PGLYRP4: variants seen among roughly 807,000 people sequenced by gnomAD.
PGLYRP4 encodes the protein peptidoglycan recognition protein 4, also known as PGRP-I-beta.
Under a neutral mutation model 41.2 loss-of-function variants are expected in PGLYRP4, and 39 were observed. The ratio of observed to expected loss-of-function variants is 0.95; its 90% CI spans 0.73 to 1.24. PGLYRP4 has a LOEUF of 1.24. Ranked by LOEUF, PGLYRP4 falls within the 50% of genes most tolerant of loss-of-function variation. PGLYRP4 has a pLI of 0.00. For synonymous variants in PGLYRP4, 202 were observed against 186.8 expected (o/e 1.08, Z -0.66); for missense variants, 467 against 460.7 (o/e 1.01, Z -0.13).
At chr1:153,346,043 G>T in intron 3 of PGLYRP4, 59 bp downstream of exon 3, 1 of 1,262,462 alleles carries the variant, frequency 7.9e-7, no homozygotes, top group Non-Finnish European at 1.2e-6. Context: ...AAACATTTCC[G>T]ATCACATGAA....
intron 7 of PGLYRP4, among the ~76,000 whole-genome samples, chr1:153,338,666 A>C (rs1025219879): frequency 1.2e-4 from 18 of 152,182 alleles, no homozygotes; most frequent in African/African-American, 3.1e-4. Flanking sequence ...CGCCTCTCTC[A>C]GGCTGGAATT....
At chr1:153,334,320 A>G (rs1441196030) in intron 8 of PGLYRP4, among the ~76,000 whole-genome samples, 2 of 151,476 alleles carry the variant, frequency 1.3e-5, no homozygotes, top group East Asian at 3.9e-4. Flanking sequence ...AGATAGATAT[A>G]GATAGATAAA....
chr1:153,342,354 T>C (rs969183198), intron 5 of PGLYRP4, among the ~76,000 whole-genome samples: 1 of 152,222 alleles, frequency 6.6e-6, no homozygotes, highest in Non-Finnish European at 1.5e-5. Flanking sequence ...ATGGACCATG[T>C]TCTGATTCCT....
intron 7 of PGLYRP4, among the ~76,000 whole-genome samples, chr1:153,337,854 C>T (rs1660633016): frequency 6.6e-6 from 1 of 152,178 alleles, no homozygotes; most frequent in Non-Finnish European, 1.5e-5. Flanking sequence ...GTACATTTGA[C>T]TCTGCCACAC....
intron 4 of PGLYRP4, among the ~76,000 whole-genome samples, 172 bp from the exon 5 acceptor site, chr1:153,343,380 T>C (rs919431804): frequency 6.6e-6 from 1 of 152,212 alleles, no homozygotes; most frequent in African/African-American, 2.4e-5. Context: ...TACTAGTCCT[T>C]AGAATTCAGA....
chr1:153,348,173 A>C (rs1176013424), intron 1 of PGLYRP4, among the ~76,000 whole-genome samples, 195 bp from the exon 2 acceptor site: 1 of 152,086 alleles, frequency 6.6e-6, no homozygotes, highest in African/African-American at 2.4e-5. Context: ...TACCCGAGGA[A>C]CTCAATTTCA....
At chr1:153,333,271 G>C (rs1430352834) in intron 8 of PGLYRP4, among the ~76,000 whole-genome samples, 1 of 152,032 alleles carries the variant, frequency 6.6e-6, no homozygotes, top group Non-Finnish European at 1.5e-5. Context: ...ACAAAAGATT[G>C]TCAGAGATTA....
chr1:153,337,304 A>G lies in PGLYRP4; in HGVS notation c.825-5T>C, dbSNP rs764130127. The G allele has an allele frequency of 5.1e-6, 8 of 1,557,590 alleles. No homozygotes were observed. The East Asian group carries it at 1.6e-4, about 31-fold the overall frequency. On this transcript the variant is annotated splice_region_variant and splice_polypyrimidine_tract_variant and intron_variant, in intron 7 of 8. Coordinates refer to ENST00000359650, the MANE Select transcript of PGLYRP4 (RefSeq NM_020393.4). ...CCATCCTGGCCCACCAGGAAGCTAG[A>G]GGACCACAAGGGGAGATGGAGACCA... is the stretch of plus-strand genomic sequence containing the variant.
Position 153,337,432 on chromosome 1 carries a change from A to G in PGLYRP4, c.825-133T>C, listed in dbSNP as rs1021420391. The G allele has an allele frequency of 4.8e-6, 3 of 623,508 alleles. No individual in the cohort carries two copies. The Admixed American group carries it at 9.2e-5, about 19-fold the overall frequency. 38.6% of individuals were successfully genotyped at this position (623,508 alleles called of 1,614,324 possible). A position where few individuals can be genotyped will look rare whatever the true frequency, so the allele number is the denominator to read the frequency against. On this transcript the variant is annotated intron_variant, in intron 7 of 8. Coordinates refer to ENST00000359650, the MANE Select transcript of PGLYRP4 (RefSeq NM_020393.4). ...TATTGGATTCTAAGCACTGGGTTACAGAAACAAGACAGAGTCCTTGCCAAT... is the reference window on the plus strand; with the variant it reads ...TATTGGATTCTAAGCACTGGGTTACGGAAACAAGACAGAGTCCTTGCCAAT...
chr1:153,336,959 G>A (rs2101559641), intron 8 of PGLYRP4, among the ~76,000 whole-genome samples: 1 of 152,310 alleles, frequency 6.6e-6, no homozygotes, highest in East Asian at 1.9e-4. Context: ...GGAAGAAAGA[G>A]ACATTTGGCT....
intron 8 of PGLYRP4, among the ~76,000 whole-genome samples, chr1:153,334,708 T>C (rs1241769692): frequency 3.3e-5 from 5 of 151,990 alleles, no homozygotes; most frequent in Non-Finnish European, 7.4e-5. Context: ...AACTATTCTA[T>C]AATTCATATG....
chr1:153,340,695 TC>T, intron 6 of PGLYRP4, 116 bp from the exon 7 acceptor site: 5 of 1,010,132 alleles, frequency 4.9e-6, no homozygotes, highest in Non-Finnish European at 5.8e-6. Flanking sequence ...CCTCTGGGTC[TC>T]CCACCCTGCC....
intron 7 of PGLYRP4, among the ~76,000 whole-genome samples, chr1:153,339,577 T>C (rs1389572897): frequency 6.6e-6 from 1 of 152,244 alleles, no homozygotes; most frequent in Admixed American, 6.5e-5. Flanking sequence ...CCTGATGGGA[T>C]GTTACATGGG....
rs766881730 is a variant in PGLYRP4 at position 153,341,638 on chromosome 1, C to T, written c.614G>A (p.Ser205Asn). 4.3e-6 allele frequency: 7 copies of T among 1,612,110 alleles called. No homozygotes were observed. The highest frequency in any genetic ancestry group is 5.9e-6 in the Non-Finnish European group (7 of 1,179,552). ...AAGAAAGGTCTTACCCTTCTTCAGG[C>T]TTGTCTTCTGCCGAGGGGCCAGGCA... ...ENCLAPRQKT[S>N]LKKACPGVVP... The change falls in exon 6 of 9, where the codon AGC (serine) becomes AAC (asparagine). Residue 205 changes from serine (S) to asparagine (N), a missense_variant. By Grantham distance (46) the Ser-to-Asn change is conservative. Transcript: ENST00000359650.
chr1:153,338,079 GT>G (rs1183225529), intron 7 of PGLYRP4, among the ~76,000 whole-genome samples: 5 of 152,132 alleles, frequency 3.3e-5, no homozygotes, highest in Non-Finnish European at 5.9e-5. Context: ...ATCCATGAAA[GT>G]CCGCACGTTC....
intron 2 of PGLYRP4, 114 bp from the exon 3 acceptor site, chr1:153,346,305 A>G (rs1391430778): frequency 2.6e-6 from 2 of 778,690 alleles, no homozygotes; most frequent in Admixed American, 1.9e-5. Context: ...GCCTCCTCAA[A>G]TCCCAGAGCC....
At chr1:153,341,818 T>C (rs1451101223) in intron 5 of PGLYRP4, 39 bp from the exon 6 acceptor site, 1 of 1,588,650 alleles carries the variant, frequency 6.3e-7, no homozygotes, top group Non-Finnish European at 8.6e-7. Context: ...CCACCCAGCC[T>C]GAGTTTCAGG....
At position 153,346,489 on chromosome 1, in the gene PGLYRP4, A is replaced by C. The variant is rs555211343; in HGVS notation, c.50-298T>G. 4.0e-3 allele frequency among the ~76,000 whole-genome samples: 615 copies of C among 152,008 alleles called. 4 individuals carry two copies. The highest frequency in any genetic ancestry group is 0.014 in the African/African-American group (591 of 41,440). Reference sequence around the variant, plus strand: ...ACACAATTGGCGGGGAAAAAAAAAAAACTAGAAATGTATTCAGACACTTCA... The same window carrying C: ...ACACAATTGGCGGGGAAAAAAAAAACACTAGAAATGTATTCAGACACTTCA... On this transcript the variant is annotated intron_variant, in intron 2 of 8. Transcript: ENST00000359650.
intron 5 of PGLYRP4, 49 bp downstream of exon 5, chr1:153,343,041 C>A (rs929389060): frequency 1.9e-5 from 23 of 1,199,596 alleles, no homozygotes; most frequent in Non-Finnish European, 2.8e-5. Flanking sequence ...GCCCCTGAGA[C>A]AAAGGATTAG....
Sources: allele counts gnomAD v4.1 joint callset (sites outside exome capture counted in the v4.1 genomes callset), GRCh38; gene constraint gnomAD v4.1.1; transcripts MANE v1.5; gene names NCBI Gene and HGNC (gene_info 2026-07-23, HGNC 2026-07-21).